Variants in DDX55 observed in about 807,000 individuals in gnomAD.
DDX55 encodes DEAD-box helicase 55.
Under a neutral mutation model 69.2 loss-of-function variants are expected in DDX55, and 56 were observed. The observed-to-expected ratio is 0.81, with a 90% CI of 0.65 to 1.01. The LOEUF is 1.01. Among genes scored for constraint, DDX55 ranks in the 50% least tolerant of loss-of-function variants. The pLI is 0.00. For synonymous variants in DDX55, 268 were observed against 273.1 expected, an observed-to-expected ratio of 0.98 and a Z score of 0.18; for missense variants, 720 against 745.1, an observed-to-expected ratio of 0.97 and a Z score of 0.39.
intron 1 of DDX55, chr12:123,605,661 G>C (rs786435): frequency 0.87 from 487,685 of 557,820 alleles, 214,166 homozygotes; most frequent in East Asian, 0.98. Flanking sequence ...TGTCTTCAAC[G>C]CCTTCCTGGT....
At chr12:123,618,175 G>C (rs534681559) in intron 11 of DDX55, 1 of 387,894 alleles carries the variant, frequency 2.6e-6, no homozygotes, top group African/African-American at 2.1e-5. Flanking sequence ...CGCCACCCCA[G>C]CTAATTTTGT....
intron 1 of DDX55, among the ~76,000 whole-genome samples, chr12:123,603,847 G>A (rs1373881643): frequency 6.6e-6 from 1 of 152,082 alleles, no homozygotes; most frequent in African/African-American, 2.4e-5. Context: ...CTGTTGCCCA[G>A]GTTGGAGTGC....
rs577563604 is a variant in DDX55 at position 123,618,800 on chromosome 12, T to C, written c.1296T>C (p.Tyr432=). Residue 432 remains tyrosine, a synonymous_variant, in exon 12 of 14, where the codon TAT becomes TAC. Transcript: ENST00000238146. ...MKAFVSYVQA[Y]AKHECNLIFR... is the part of the protein sequence containing the mutation. ...CTTTTGTGTCATATGTCCAAGCTTA[T>C]GCAAAGCATGAATGCAACCTGATTT... The C allele has an allele frequency of 6.2e-7, 1 of 1,614,206 alleles. No individual in the cohort carries two copies. The highest frequency in any genetic ancestry group is 1.6e-4 in the Middle Eastern group (1 of 6,062).
Position 123,606,077 on chromosome 12 carries a change from C to T in DDX55, c.164C>T (p.Thr55Ile). The change falls in exon 3 of 14, where the codon ACA becomes ATA. Residue 55 changes from threonine (T) to isoleucine (I), a missense_variant. Transcript: ENST00000238146. ...ACCAAAACTCTCTGTTTGCAGGTCA[C>T]AGGTAGTGGCAAAACACTCGCTTTT... ...RNKDVAAEAVTGSGKTLAFVI... is the reference protein window; with the variant it reads ...RNKDVAAEAVIGSGKTLAFVI... The T allele has an allele frequency of 6.2e-7, 1 of 1,614,096 alleles. No homozygotes were observed. The highest frequency in any genetic ancestry group is 1.1e-5 in the South Asian group (1 of 91,080).
At chr12:123,619,205 G>A (rs565887395) in intron 12 of DDX55, among the ~76,000 whole-genome samples, 3 of 152,096 alleles carry the variant, frequency 2.0e-5, no homozygotes, top group Non-Finnish European at 4.4e-5. Context: ...GGGTTTCACC[G>A]TGTTAGCCAG....
At chr12:123,610,339 G>C (rs1954136253) in intron 7 of DDX55, among the ~76,000 whole-genome samples, 1 of 152,098 alleles carries the variant, frequency 6.6e-6, no homozygotes, top group Non-Finnish European at 1.5e-5. Flanking sequence ...AGTCTCTAAG[G>C]ACAGAGTCTC....
At chr12:123,619,366 T>G in intron 12 of DDX55, 66 bp from the exon 13 acceptor site, 6 of 1,529,906 alleles carry the variant, frequency 3.9e-6, no homozygotes, top group Non-Finnish European at 5.2e-6. Context: ...AAAATTATAT[T>G]GTAAGCCATT....
intron 7 of DDX55, among the ~76,000 whole-genome samples, chr12:123,612,189 A>G (rs1566191446): frequency 6.6e-6 from 1 of 152,232 alleles, no homozygotes; most frequent in Non-Finnish European, 1.5e-5. Flanking sequence ...GCTGGTAAGT[A>G]TAGTGCAGCT....
Position 123,616,538 on chromosome 12 carries a change from G to A in DDX55, c.984G>A (p.Met328Ile). ...GGATTTTAGTGTGCACTGATGTGAT[G>A]GCCCGGGGAATTGATATTCCTGAAG... ...QSGILVCTDV[M>I]ARGIDIPEVN... Residue 328 changes from methionine (M) to isoleucine (I), a missense_variant, in exon 10 of 14, where the codon ATG becomes ATA. By Grantham distance (10) the Met-to-Ile change is conservative. Transcript: ENST00000238146. 1.2e-6 allele frequency: 2 copies of A among 1,614,124 alleles called. No individual in the cohort carries two copies. Among genetic ancestry groups the A allele is most frequent in the Non-Finnish European group, 1.7e-6 (2 of 1,180,014 alleles).
In DDX55 at chr12:123,608,123, T is replaced by G. The variant is rs74402893; in HGVS notation, c.401+461T>G. 6.4e-5 allele frequency: 13 copies of G among 202,940 alleles called. No homozygotes were observed. The East Asian group carries it at 1.4e-3, about 22-fold the overall frequency. 12.6% of individuals were successfully genotyped at this position (202,940 alleles called of 1,614,324 possible). ...AACATATCTTGTAGGTGAGCCAGTC[T>G]GAGGGAGCCACATCTGGCCCTGAGT... On this transcript the variant is annotated intron_variant, in intron 5 of 13. Transcript: ENST00000238146.
In DDX55 at chr12:123,620,627, T is replaced by TAA. The variant is rs1555284699; in HGVS notation, c.*488_*489dup. 6.0e-3 allele frequency: 595 copies of TAA among 99,776 alleles called. 22 individuals are homozygous for TAA. The highest frequency in any genetic ancestry group is 8.6e-3 in the Non-Finnish European group (399 of 46,620). The allele number at this position is 99,776 out of a possible 1,614,324, so 6.2% of individuals were successfully genotyped here. On this transcript the variant is annotated 3_prime_UTR_variant, in exon 14 of 14. Transcript: ENST00000238146. ...ATATATATATATATATATATATATA[T>TAA]AAGCTCTTTTTTCTGAGGCTATTTT...
Position 123,602,131 on chromosome 12 carries a change from G to C in DDX55, c.-18G>C, listed in dbSNP as rs964843765. 6.5e-7 allele frequency: 1 copy of C among 1,539,202 alleles called. No homozygotes were observed. Among genetic ancestry groups the C allele is most frequent in the African/African-American group, 1.4e-5 (1 of 72,642 alleles). On this transcript the variant is annotated 5_prime_UTR_variant, in exon 1 of 14. Transcript: ENST00000238146. ...GCGCGTTCGAGCAGCGGCGACCGAC[G>C]CGGCGAAGGAGCGCGCCATGGAGCA...
chr12:123,615,750 C>T (rs1451804397), intron 9 of DDX55, among the ~76,000 whole-genome samples: 5 of 152,194 alleles, frequency 3.3e-5, no homozygotes, highest in South Asian at 2.1e-4. Flanking sequence ...TTTGGGAGGC[C>T]GAGGCGGGTG....
In DDX55 at chr12:123,616,567, A is replaced by G. The variant is rs776395838; in HGVS notation, c.1013A>G (p.Asn338Ser). 2 of 1,614,148 alleles carry G rather than the reference A, an allele frequency of 1.2e-6. No individual in the cohort carries two copies. The highest frequency in any genetic ancestry group is 2.2e-5 in the South Asian group (2 of 91,086). The stretch of plus-strand genomic sequence containing the variant: ...CGGGGAATTGATATTCCTGAAGTCA[A>G]CTGGGTTTTGCAGTATGACCCTCCC... ...MARGIDIPEV[N>S]WVLQYDPPSN... The change falls in exon 10 of 14, where the codon AAC (asparagine) becomes AGC (serine). Residue 338 changes from asparagine (N) to serine (S), a missense_variant. Transcript: ENST00000238146.
Position 123,620,344 on chromosome 12 carries a change from T to A in DDX55, c.*204T>A. 1 of 465,050 alleles carries A rather than the reference T, an allele frequency of 2.2e-6. No individual in the cohort carries two copies. The highest frequency in any genetic ancestry group is 3.6e-6 in the Non-Finnish European group (1 of 281,124). The allele number at this position is 465,050 out of a possible 1,614,324, so 28.8% of individuals were successfully genotyped here. A position where few individuals can be genotyped will look rare whatever the true frequency, so the allele number is the denominator to read the frequency against. ...TAAAAACATTCCAGTCTTGGCCGGGTGCGGTGGCTCCTGCCTATAATCCCA... is the reference window on the plus strand; with the variant it reads ...TAAAAACATTCCAGTCTTGGCCGGGAGCGGTGGCTCCTGCCTATAATCCCA... On this transcript the variant is annotated 3_prime_UTR_variant, in exon 14 of 14. Transcript: ENST00000238146.
Position 123,609,972 on chromosome 12 carries a change from G to A in DDX55, c.585G>A (p.Gln195=), listed in dbSNP as rs772227152. ...INTILEFLPK[Q]RRTGLFSATQ... ...CCATTCTGGAGTTTTTGCCAAAGCA[G>A]AGGAGAACAGGCCTTTTCTCTGCCA... Residue 195 remains glutamine (Q), a synonymous_variant, in exon 7 of 14, where the codon CAG becomes CAA. Transcript: ENST00000238146. 2.5e-6 allele frequency: 4 copies of A among 1,613,964 alleles called. No individual in the cohort carries two copies. The African/African-American group carries it at 5.3e-5, about 22-fold the overall frequency.
At position 123,607,507 on chromosome 12, in the gene DDX55, C is replaced by T. The variant is rs773049141; in HGVS notation, c.322C>T (p.His108Tyr). The T allele has an allele frequency of 1.9e-6, 3 of 1,614,166 alleles. No individual in the cohort carries two copies. Among genetic ancestry groups the T allele is most frequent in the Non-Finnish European group, 2.5e-6 (3 of 1,180,034 alleles). ...IDEVLSHFTK[H>Y]FPEFSQILWI... ...CGAGGTCCTGTCGCATTTCACGAAG[C>T]ACTTCCCCGAGTTCAGGTGAATTGG... is the stretch of plus-strand genomic sequence containing the variant. Residue 108 changes from histidine (H) to tyrosine (Y), a missense_variant, in exon 4 of 14, where the codon CAC becomes TAC. Coordinates refer to ENST00000238146, the MANE Select transcript of DDX55 (RefSeq NM_020936.3).
Position 123,616,648 on chromosome 12 carries a change from C to T in DDX55, c.1049+45C>T, listed in dbSNP as rs764645447. On this transcript the variant is annotated intron_variant, in intron 10 of 13. Coordinates refer to ENST00000238146, the MANE Select transcript of DDX55 (RefSeq NM_020936.3). ...CCCACTCTCTGTTGAGGAATTTAGC[C>T]TAATAAAGGAGGAATCCCGAAGAAG... 4.5e-6 allele frequency: 7 copies of T among 1,566,292 alleles called. No individual in the cohort carries two copies. In the Admixed American group the frequency reaches 5.0e-5, roughly 11 times the overall value.
intron 7 of DDX55, 51 bp from the exon 8 acceptor site, chr12:123,613,119 G>C: frequency 6.3e-7 from 1 of 1,577,846 alleles, no homozygotes; most frequent in Non-Finnish European, 8.7e-7. Flanking sequence ...TAGCCATGGG[G>C]ATTATTATTG....
Sources: gnomAD v4.1 joint callset for allele counts (sites outside exome capture counted in the v4.1 genomes callset) on GRCh38, gnomAD v4.1.1 for gene constraint, MANE v1.5 for transcripts, NCBI Gene and HGNC (gene_info 2026-07-23, HGNC 2026-07-21) for gene names.